Variants in LRPAP1 observed in about 807,000 individuals in gnomAD.
LRPAP1 encodes the protein LDL receptor related protein associated protein 1, also known as alpha-2-macroglobulin receptor-associated protein.
LRPAP1 carries 41 observed loss-of-function variants against 39.9 expected under a neutral mutation model. That is an observed-to-expected ratio of 1.03 (90% CI 0.80 to 1.33). LRPAP1 has a LOEUF of 1.33. LRPAP1 is among the 40% of genes most tolerant of loss of function. The probability of loss-of-function intolerance (pLI) is 0.00; values close to 1 mark genes in which losing one functional copy is unlikely to be tolerated. For synonymous variants in LRPAP1, 263 were observed against 212.7 expected (o/e 1.24, Z -2.06); for missense variants, 565 against 482.3 (o/e 1.17, Z -1.61).
At position 3,518,597 on chromosome 4, in the gene LRPAP1, G is replaced by A. The variant is rs547987719; in HGVS notation, c.592+274C>T. Among the ~76,000 whole-genome samples, 209 of 152,280 alleles carry A rather than the reference G, an allele frequency of 1.4e-3. 1 individual carries two copies. The highest frequency in any genetic ancestry group is 4.5e-3 in the African/African-American group (189 of 41,564). ...ATCAGCGAAGCTCAGGTCTGACAAA[G>A]GCAGCAGCTGTGCCCATAGTGGGGG... On this transcript the variant is annotated intron_variant, in intron 4 of 7. Transcript: ENST00000650182.
Position 3,512,229 on chromosome 4 carries a change from G to A in LRPAP1, c.*745C>T. On this transcript the variant is annotated 3_prime_UTR_variant, in exon 8 of 8. Transcript: ENST00000650182. ...GCCTCCGTGGCTGTCTCTCCCCCATGAGATGGGGCATTTACACAGCACACT... is the reference window on the plus strand; with the variant it reads ...GCCTCCGTGGCTGTCTCTCCCCCATAAGATGGGGCATTTACACAGCACACT... 3 of 152,510 alleles carry A rather than the reference G, an allele frequency of 2.0e-5. No homozygotes were observed. The South Asian group carries it at 6.2e-4, about 31-fold the overall frequency. 9.4% of individuals were successfully genotyped at this position (152,510 alleles called of 1,614,324 possible).
At chr4:3,526,473 T>C (rs762870) in intron 1 of LRPAP1, among the ~76,000 whole-genome samples, 27,377 of 152,282 alleles carry the variant, frequency 0.18, 2,646 homozygotes, top group South Asian at 0.3. Flanking sequence ...ATCCAAAGTA[T>C]GTGTGTTATA....
intron 2 of LRPAP1, among the ~76,000 whole-genome samples, chr4:3,522,962 G>A (rs1018399201): frequency 2.0e-5 from 3 of 152,182 alleles, no homozygotes; most frequent in Non-Finnish European, 4.4e-5. Context: ...CGGGGGTCCA[G>A]GGACCACACC....
At chr4:3,520,236 A>G in intron 2 of LRPAP1, 43 bp from the exon 3 acceptor site, 1 of 1,593,082 alleles carries the variant, frequency 6.3e-7, no homozygotes, top group Non-Finnish European at 8.6e-7. Flanking sequence ...TTTCCTGTGA[A>G]AAACAGTCAA....
At chr4:3,518,235 G>C (rs371884799) in intron 4 of LRPAP1, 43 bp from the exon 5 acceptor site, 1 of 1,577,884 alleles carries the variant, frequency 6.3e-7, no homozygotes, top group Non-Finnish European at 8.6e-7. Context: ...GGGAGTCCTC[G>C]CACTGCCTGC....
chr4:3,524,288 C>T (rs73197143), intron 2 of LRPAP1, among the ~76,000 whole-genome samples: 2,892 of 152,312 alleles, frequency 0.019, 42 homozygotes, highest in Middle Eastern at 0.078. Context: ...ACCAAGCAGG[C>T]GACTGTCCTG....
At chr4:3,524,756 G>A (rs1730026977) in intron 2 of LRPAP1, 151 bp downstream of exon 2, 2 of 907,660 alleles carry the variant, frequency 2.2e-6, no homozygotes, top group Non-Finnish European at 3.5e-6. Context: ...CACTCAGGAT[G>A]CTCGGGGAAA....
intron 7 of LRPAP1, among the ~76,000 whole-genome samples, chr4:3,514,044 G>C (rs1396884733): frequency 6.6e-6 from 1 of 152,256 alleles, no homozygotes. Context: ...CGTCTCGCGG[G>C]AGCGCCCTGC....
At position 3,520,286 on chromosome 4, in the gene LRPAP1, T is replaced by C; in HGVS notation, c.350-93A>G. 6 of 1,367,812 alleles carry C rather than the reference T, an allele frequency of 4.4e-6. No homozygotes were observed. In the East Asian group the frequency reaches 7.0e-5, roughly 16 times the overall value. 84.7% of individuals were successfully genotyped at this position (1,367,812 alleles called of 1,614,324 possible). On this transcript the variant is annotated intron_variant, in intron 2 of 7. Transcript: ENST00000650182. ...GGGTTGCCACGGTGGGTGAGACAGG[T>C]TTGCCTCTCATTTTCCAGTAGTTTC...
rs564917263 is a variant in LRPAP1, at chr4:3,504,841, G to A, written c.*8133C>T. ...AGGTGCCCATAATCCCAGCTACTTG[G>A]GAGGCTGAGGCAGGGGAATCGCATG... On this transcript the variant is annotated 3_prime_UTR_variant, in exon 8 of 8. Transcript: ENST00000650182. Among the ~76,000 whole-genome samples the A allele has an allele frequency of 6.6e-6, 1 of 152,110 alleles. No individual in the cohort carries two copies. The highest frequency in any genetic ancestry group is 2.1e-4 in the South Asian group (1 of 4,812).
chr4:3,523,922 G>A (rs1004334040), intron 2 of LRPAP1, among the ~76,000 whole-genome samples: 4 of 152,102 alleles, frequency 2.6e-5, no homozygotes, highest in African/African-American at 9.7e-5. Context: ...GGAAACGGAG[G>A]TGGGGGGCAG....
chr4:3,529,192 G>A (rs1730168593), intron 1 of LRPAP1, among the ~76,000 whole-genome samples: 1 of 151,984 alleles, frequency 6.6e-6, no homozygotes, highest in Non-Finnish European at 1.5e-5. Flanking sequence ...GCATGGTGGT[G>A]CATGCCTGTA....
intron 1 of LRPAP1, among the ~76,000 whole-genome samples, chr4:3,531,131 C>T (rs1018339074): frequency 6.6e-6 from 1 of 152,118 alleles, no homozygotes; most frequent in African/African-American, 2.4e-5. Flanking sequence ...CCAGAGCGTT[C>T]TCCCACCTCC....
At chr4:3,516,975 G>C (rs1389935154) in intron 5 of LRPAP1, among the ~76,000 whole-genome samples, 1 of 152,258 alleles carries the variant, frequency 6.6e-6, no homozygotes, top group Non-Finnish European at 1.5e-5. Context: ...GGTGGGAAGA[G>C]AAGTGTGTGG....
At position 3,507,556 on chromosome 4, in the gene LRPAP1, C is replaced by T. The variant is rs369870305; in HGVS notation, c.*5418G>A. ...TCGTCCATTTTTAAAAGATTCCATGCGTGCTTAAGAATGTTTTCTCTAATG... is the reference window on the plus strand; with the variant it reads ...TCGTCCATTTTTAAAAGATTCCATGTGTGCTTAAGAATGTTTTCTCTAATG... On this transcript the variant is annotated 3_prime_UTR_variant, in exon 8 of 8. Coordinates refer to ENST00000650182, the MANE Select transcript of LRPAP1 (RefSeq NM_002337.4). The T allele has an allele frequency of 8.5e-5, 13 of 152,294 alleles. No homozygotes were observed. Among genetic ancestry groups the T allele is most frequent in the African/African-American group, 2.4e-4 (10 of 41,560 alleles). 9.4% of individuals were successfully genotyped at this position (152,294 alleles called of 1,614,324 possible). A position where few individuals can be genotyped will look rare whatever the true frequency, so the allele number is the denominator to read the frequency against.
intron 5 of LRPAP1, among the ~76,000 whole-genome samples, chr4:3,516,986 G>C (rs1433579739): frequency 6.6e-6 from 1 of 152,216 alleles, no homozygotes; most frequent in African/African-American, 2.4e-5. Flanking sequence ...AAGTGTGTGG[G>C]GCTGAGTCGC....
Position 3,512,750 on chromosome 4 carries a change from C to T in LRPAP1, c.*224G>A. ...ACGCTGATGCTGAGTGGAAGCCAAG[C>T]CCCTTCAGTCAGAGCTGGGCCGATC... is the stretch of plus-strand genomic sequence containing the variant. On this transcript the variant is annotated 3_prime_UTR_variant, in exon 8 of 8. Coordinates refer to ENST00000650182, the MANE Select transcript of LRPAP1 (RefSeq NM_002337.4). 2 of 551,876 alleles carry T rather than the reference C, an allele frequency of 3.6e-6. No homozygotes were observed. Among genetic ancestry groups the T allele is most frequent in the Admixed American group, 3.5e-5 (1 of 28,972 alleles). 34.2% of individuals were successfully genotyped at this position (551,876 alleles called of 1,614,324 possible).
chr4:3,524,765 A>T (rs1730027452), intron 2 of LRPAP1, 142 bp downstream of exon 2: 1 of 974,702 alleles, frequency 1.0e-6, no homozygotes, highest in Non-Finnish European at 1.6e-6. Flanking sequence ...TGCTCGGGGA[A>T]AGGCTCATTT....
intron 1 of LRPAP1, among the ~76,000 whole-genome samples, chr4:3,531,487 C>A (rs2108700312): frequency 6.6e-6 from 1 of 152,282 alleles, no homozygotes. Context: ...TTCAGGAACA[C>A]CTAACAAATG....
Sources: allele counts gnomAD v4.1 joint callset (sites outside exome capture counted in the v4.1 genomes callset), GRCh38; gene constraint gnomAD v4.1.1; transcripts MANE v1.5; gene names NCBI Gene and HGNC (gene_info 2026-07-23, HGNC 2026-07-21).